The following KLRD1 variants were observed in gnomAD, a reference collection of about 807,000 sequenced individuals.
The protein encoded by KLRD1 is killer cell lectin like receptor D1.
A neutral mutation model predicts 22.6 loss-of-function variants in KLRD1; 21 were observed. That is an observed-to-expected ratio of 0.93 (90% CI 0.66 to 1.34). The LOEUF (loss-of-function observed/expected upper bound fraction) is 1.34. Among genes scored for constraint, KLRD1 ranks in the 40% most tolerant of loss-of-function variants. KLRD1 has a pLI of 0.00. For synonymous variants in KLRD1, 59 were observed against 71.1 expected (o/e 0.83, Z 0.85); for missense variants, 183 against 208.6 (o/e 0.88, Z 0.76).
At chr12:10,304,552 G>C (rs947189128), upstream of KLRD1, 1 of 152,126 alleles carries the variant, frequency 6.6e-6, no homozygotes, top group African/African-American at 2.4e-5. Flanking sequence ...TTACAGGTGA[G>C]TGCCACCATG....
At position 10,323,496 on chromosome 12, in the gene KLRD1, T is replaced by A. The variant is rs906123829; in HGVS notation, c.*8703T>A. ...GCTTGTTTAAGCTTTTAGCCATTAT[T>A]TATTTTTAACAGCGCTGTTGCAGTA... On this transcript the variant is annotated 3_prime_UTR_variant, in exon 6 of 6. Coordinates refer to ENST00000336164, the MANE Select transcript of KLRD1 (RefSeq NM_002262.5). The A allele has an allele frequency of 2.0e-5, 3 of 152,118 alleles. No individual in the cohort carries two copies. Among genetic ancestry groups the A allele is most frequent in the African/African-American group, 7.2e-5 (3 of 41,422 alleles). The allele number at this position is 152,118 out of a possible 1,614,324, so 9.4% of individuals were successfully genotyped here. A position where few individuals can be genotyped will look rare whatever the true frequency, so the allele number is the denominator to read the frequency against.
chr12:10,284,607 C>T (rs1426127160), intron 1 of KLRD1, among the ~76,000 whole-genome samples: 1 of 152,156 alleles, frequency 6.6e-6, no homozygotes, highest in Non-Finnish European at 1.5e-5. Flanking sequence ...GCTGTTAATT[C>T]ATGTATGTAT....
chr12:10,268,757 G>A (rs1024573463), intron 1 of KLRD1, among the ~76,000 whole-genome samples: 2 of 152,098 alleles, frequency 1.3e-5, no homozygotes, highest in African/African-American at 4.8e-5. Flanking sequence ...GATTGAAAAT[G>A]ATTATAATGT....
At chr12:10,240,854 T>A (rs1311090132) in intron 1 of KLRD1, among the ~76,000 whole-genome samples, 1 of 152,240 alleles carries the variant, frequency 6.6e-6, no homozygotes, top group Non-Finnish European at 1.5e-5. Context: ...CCTTTGTTTT[T>A]GCTATTGTTT....
intron 1 of KLRD1, among the ~76,000 whole-genome samples, chr12:10,242,498 A>G (rs1484219896): frequency 2.0e-5 from 3 of 152,160 alleles, no homozygotes; most frequent in Non-Finnish European, 2.9e-5. Flanking sequence ...AATGAAAGAT[A>G]TGGGAGTGCA....
chr12:10,280,003 A>G (rs1373835483), intron 1 of KLRD1, among the ~76,000 whole-genome samples: 1 of 152,226 alleles, frequency 6.6e-6, no homozygotes, highest in African/African-American at 2.4e-5. Flanking sequence ...TTGACTTTCA[A>G]TATCTCTTGC....
At chr12:10,278,640 G>A (rs1949613137) in intron 1 of KLRD1, among the ~76,000 whole-genome samples, 1 of 152,134 alleles carries the variant, frequency 6.6e-6, no homozygotes, top group African/African-American at 2.4e-5. Flanking sequence ...GGTAACCATT[G>A]ATTTAAAAAC....
rs1950244769 is a variant in KLRD1 at position 10,316,950 on chromosome 12, C to G, written c.*2157C>G. ...CCTCCCCTTGCCCCCCACCCCCCGA[C>G]AGGCCTTGGTCTGTGATGTTCACCT... On this transcript the variant is annotated 3_prime_UTR_variant, in exon 6 of 6. Coordinates refer to ENST00000336164, the MANE Select transcript of KLRD1 (RefSeq NM_002262.5). 1 of 149,024 alleles carries G rather than the reference C, an allele frequency of 6.7e-6. No individual in the cohort carries two copies. Among genetic ancestry groups the G allele is most frequent in the Non-Finnish European group, 1.5e-5 (1 of 67,422 alleles). 9.2% of individuals were successfully genotyped at this position (149,024 alleles called of 1,614,324 possible). A position where few individuals can be genotyped will look rare whatever the true frequency, so the allele number is the denominator to read the frequency against.
Position 10,326,862 on chromosome 12 carries a change from C to T in KLRD1, c.*12069C>T, listed in dbSNP as rs936901679. ...CCCTTTTGTTGAGTGATTTTGGGGG[C>T]CCAAGATATTTTCCTTTCACACCTT... is the stretch of plus-strand genomic sequence containing the variant. On this transcript the variant is annotated 3_prime_UTR_variant, in exon 6 of 6. Transcript: ENST00000336164. The T allele has an allele frequency of 2.0e-5, 3 of 152,108 alleles. No individual in the cohort carries two copies. The highest frequency in any genetic ancestry group is 4.4e-5 in the Non-Finnish European group (3 of 68,010). 9.4% of individuals were successfully genotyped at this position (152,108 alleles called of 1,614,324 possible).
At chr12:10,241,748 G>C (rs1459173951) in intron 1 of KLRD1, among the ~76,000 whole-genome samples, 1 of 152,094 alleles carries the variant, frequency 6.6e-6, no homozygotes, top group African/African-American at 2.4e-5. Context: ...GTGTGTATAT[G>C]TGCATATTTG....
At chr12:10,294,888 T>C (rs1310356364) in intron 1 of KLRD1, among the ~76,000 whole-genome samples, 1 of 152,182 alleles carries the variant, frequency 6.6e-6, no homozygotes, top group Non-Finnish European at 1.5e-5. Context: ...CTATATACGT[T>C]ATAGTAAGAT....
At position 10,246,440 on chromosome 12, in the gene KLRD1, G is replaced by T. The variant is rs12581993; in HGVS notation, c.-101+20207G>T. Among the ~76,000 whole-genome samples, 599 of 152,164 alleles carry T rather than the reference G, an allele frequency of 3.9e-3. 19 individuals are homozygous for T. The East Asian group carries it at 0.068, about 17-fold the overall frequency. On this transcript the variant is annotated intron_variant, in intron 1 of 5. Transcript: ENST00000544747. ...GATATAGATGAAGTGTGTATAACAG[G>T]TTCTTATACAGTTCAGAATTATCCT...
At chr12:10,301,437 C>T (rs1220925287), upstream of KLRD1, among the ~76,000 whole-genome samples, 1 of 152,180 alleles carries the variant, frequency 6.6e-6, no homozygotes, top group Non-Finnish European at 1.5e-5. Flanking sequence ...TTACCCTGAT[C>T]AGTAGATGAT....
At chr12:10,239,572 TTTCTTTCTTTC>T (rs1949221925) in intron 1 of KLRD1, among the ~76,000 whole-genome samples, 2 of 137,386 alleles carry the variant, frequency 1.5e-5, no homozygotes, top group East Asian at 2.0e-4. Context: ...TCTTTCTTTC[TTTCTTTCTTTC>T]TTTTTCTTTC....
upstream of KLRD1, among the ~76,000 whole-genome samples, chr12:10,305,395 T>G (rs1264692183): frequency 6.6e-6 from 1 of 152,180 alleles, no homozygotes; most frequent in African/African-American, 2.4e-5. Flanking sequence ...GAGTAGAAAC[T>G]TTATTTGGAA....
At chr12:10,257,021 C>T (rs1204045254) in intron 1 of KLRD1, among the ~76,000 whole-genome samples, 2 of 43,842 alleles carry the variant, frequency 4.6e-5, no homozygotes, top group East Asian at 5.2e-4. Context: ...TTAGATATAC[C>T]ACCTCTCTGC....
chr12:10,311,803 T>C, intron 4 of KLRD1, 188 bp downstream of exon 4: 1 of 466,596 alleles, frequency 2.1e-6, no homozygotes, highest in Non-Finnish European at 3.7e-6. Flanking sequence ...TTAATGATTA[T>C]ATCATGGGAA....
intron 4 of KLRD1, among the ~76,000 whole-genome samples, chr12:10,312,921 A>G (rs1034200641): frequency 4.0e-5 from 6 of 151,608 alleles, no homozygotes; most frequent in Admixed American, 3.9e-4. Flanking sequence ...TGGGAGGCAG[A>G]GCTTGCAGTG....
chr12:10,283,082 T>G (rs1949661588), intron 1 of KLRD1, among the ~76,000 whole-genome samples: 1 of 152,190 alleles, frequency 6.6e-6, no homozygotes, highest in African/African-American at 2.4e-5. Flanking sequence ...ATCAAACAGT[T>G]GGAGAAATCT....
Sources: gnomAD v4.1 joint callset for allele counts (sites outside exome capture counted in the v4.1 genomes callset) on GRCh38, gnomAD v4.1.1 for gene constraint, MANE v1.5 for transcripts, NCBI Gene and HGNC (gene_info 2026-07-23, HGNC 2026-07-21) for gene names.